KDM7A: variants seen among roughly 807,000 people sequenced by gnomAD.
The protein encoded by KDM7A is lysine-specific demethylase 7A.
Under a neutral mutation model 114.8 loss-of-function variants are expected in KDM7A, and 28 were observed. The observed-to-expected ratio is 0.24, with a 90% CI of 0.18 to 0.33. The LOEUF (loss-of-function observed/expected upper bound fraction) is 0.33, where lower values mean the gene tolerates loss of function less well. KDM7A is among the 10% of genes least tolerant of loss of function. KDM7A has a pLI of 1.00. For synonymous variants in KDM7A, 423 were observed against 397.8 expected (o/e 1.06, Z -0.75); for missense variants, 942 against 1,142.5 (o/e 0.82, Z 2.53).
At chr7:140,105,001 T>C (rs955320249) in intron 11 of KDM7A, among the ~76,000 whole-genome samples, 2 of 152,228 alleles carry the variant, frequency 1.3e-5, no homozygotes, top group Non-Finnish European at 2.9e-5. Flanking sequence ...GAAGAGGTCC[T>C]TCACATCGCT....
intron 11 of KDM7A, among the ~76,000 whole-genome samples, chr7:140,105,309 G>A (rs1314315946): frequency 6.6e-6 from 1 of 152,174 alleles, no homozygotes; most frequent in African/African-American, 2.4e-5. Context: ...GCCCTGGCCA[G>A]AACTTCCAAC....
At position 140,116,640 on chromosome 7, in the gene KDM7A, A is replaced by ATG. The variant is rs147192289; in HGVS notation, c.1246+2471_1246+2472dup. On this transcript the variant is annotated intron_variant, in intron 9 of 19. Transcript: ENST00000397560. The stretch of plus-strand genomic sequence containing the variant: ...CAGCCTTATTCTTTACACGGTATGA[A>ATG]TGTGTGTGTGTGTATGCAGTGCGTG... Among the ~76,000 whole-genome samples, 6 of 151,422 alleles carry ATG rather than the reference A, an allele frequency of 4.0e-5. No homozygotes were observed. In the South Asian group the frequency reaches 6.3e-4, roughly 16 times the overall value.
Position 140,159,403 on chromosome 7 carries a change from T to C in KDM7A, c.194+17341A>G, listed in dbSNP as rs574052499. Among the ~76,000 whole-genome samples, 655 of 144,178 alleles carry C rather than the reference T, an allele frequency of 4.5e-3. 8 individuals are homozygous for C. The highest frequency in any genetic ancestry group is 0.016 in the African/African-American group (596 of 37,346). 94.6% of individuals were successfully genotyped at this position (144,178 alleles called of 152,430 possible). On this transcript the variant is annotated intron_variant, in intron 1 of 19. Transcript: ENST00000397560. ...AAAGGATATATGCGTACAATTGGCA[T>C]GCTAACAAAAAAAAATGGTGAGGTA...
In KDM7A at chr7:140,111,088, C is replaced by T. The variant is rs1278735028; in HGVS notation, c.1428+7G>A. On this transcript the variant is annotated splice_region_variant and intron_variant, in intron 11 of 19. Transcript: ENST00000397560. Reference sequence around the variant, plus strand: ...TCAAGCATTTACATGACAGTTTCCACTCTTACCTCTATTGCTCGAATTACT... The same window carrying T: ...TCAAGCATTTACATGACAGTTTCCATTCTTACCTCTATTGCTCGAATTACT... 17 of 1,502,588 alleles carry T rather than the reference C, an allele frequency of 1.1e-5. No individual in the cohort carries two copies. The highest frequency in any genetic ancestry group is 1.7e-5 in the Admixed American group (1 of 59,120). The allele number at this position is 1,502,588 out of a possible 1,614,324, so 93.1% of individuals were successfully genotyped here. A position where few individuals can be genotyped will look rare whatever the true frequency, so the allele number is the denominator to read the frequency against.
At chr7:140,113,020 G>T (rs1446363139) in intron 10 of KDM7A, among the ~76,000 whole-genome samples, 1 of 152,200 alleles carries the variant, frequency 6.6e-6, no homozygotes, top group East Asian at 1.9e-4. Context: ...AGAGATCTAA[G>T]TTTTAAGTCC....
chr7:140,122,609 A>G (rs755105697), intron 7 of KDM7A, among the ~76,000 whole-genome samples: 1 of 152,226 alleles, frequency 6.6e-6, no homozygotes, highest in Non-Finnish European at 1.5e-5. Flanking sequence ...TGTGAACTTT[A>G]CAGTCATTAG....
intron 9 of KDM7A, among the ~76,000 whole-genome samples, chr7:140,118,780 T>C (rs977382563): frequency 2.0e-5 from 3 of 152,178 alleles, no homozygotes; most frequent in African/African-American, 4.8e-5. Context: ...TGACATAAAC[T>C]GCATTTTTGA....
At chr7:140,127,710 A>G (rs1489795928) in intron 4 of KDM7A, 127 bp from the exon 5 acceptor site, 4 of 824,728 alleles carry the variant, frequency 4.9e-6, no homozygotes, top group Non-Finnish European at 4.0e-6. Flanking sequence ...CTAGACAAAT[A>G]TTTTCCCTAT....
chr7:140,171,507 ATATATATTTATAAATATATATTTATT>A (rs1263687067), intron 1 of KDM7A, among the ~76,000 whole-genome samples: 4 of 139,542 alleles, frequency 2.9e-5, no homozygotes, highest in East Asian at 4.2e-4. Flanking sequence ...TACATATTTT[ATATATATTTATAAATATATATTTATT>A]TATATATTTA....
Position 140,100,023 on chromosome 7 carries a change from C to G in KDM7A, c.1639G>C (p.Asp547His), listed in dbSNP as rs1366808549. Residue 547 changes from aspartate (D) to histidine (H), a missense_variant and splice_region_variant, in exon 13 of 20, where the codon GAC (aspartate) becomes CAC (histidine). By Grantham distance (81) the Asp-to-His change is moderately conservative. This residue lies in a region of KDM7A where 512 missense variants were observed against 576.6 expected (regional missense o/e 0.89). Coordinates refer to ENST00000397560, the MANE Select transcript of KDM7A (RefSeq NM_030647.2). Reference protein sequence around the residue: ...KRLEMCPWEEDILSSKLNGKF... With the variant: ...KRLEMCPWEEHILSSKLNGKF... ...CCATTCAGTTTAGAGCTCAAGATGT[C>G]CTGAAGGTATAAATGCAGAACTTAC... The G allele has an allele frequency of 6.2e-7, 1 of 1,613,914 alleles. No homozygotes were observed. The highest frequency in any genetic ancestry group is 8.5e-7 in the Non-Finnish European group (1 of 1,179,958).
chr7:140,100,734 A>T (rs1443238108), intron 12 of KDM7A, among the ~76,000 whole-genome samples: 42 of 50,914 alleles, frequency 8.2e-4, no homozygotes, highest in African/African-American at 2.5e-3. Context: ...ATATATATAT[A>T]TATATATACA....
chr7:140,127,323 T>C lies in KDM7A; in HGVS notation c.701+119A>G, dbSNP rs1042044968. On this transcript the variant is annotated intron_variant, in intron 5 of 19. Coordinates refer to ENST00000397560, the MANE Select transcript of KDM7A (RefSeq NM_030647.2). ...GTGTCCCAATGCAAAATTTATAACA[T>C]TGCTACCACTGGACAACTTTAGAAG... is the stretch of plus-strand genomic sequence containing the variant. The C allele has an allele frequency of 3.2e-5, 27 of 843,310 alleles. 1 individual carries two copies. The South Asian group carries it at 4.0e-4, about 12-fold the overall frequency. The allele number at this position is 843,310 out of a possible 1,614,324, so 52.2% of individuals were successfully genotyped here. A position where few individuals can be genotyped will look rare whatever the true frequency, so the allele number is the denominator to read the frequency against.
intron 1 of KDM7A, among the ~76,000 whole-genome samples, chr7:140,145,066 A>C (rs1344293255): frequency 1.3e-5 from 2 of 152,210 alleles, no homozygotes; most frequent in Non-Finnish European, 2.9e-5. Context: ...ACTCAGCCTC[A>C]GGTATTTCTT....
At chr7:140,125,931 A>C (rs1175573509) in intron 6 of KDM7A, among the ~76,000 whole-genome samples, 2 of 83,612 alleles carry the variant, frequency 2.4e-5, no homozygotes, top group African/African-American at 9.3e-5. Context: ...TAGAGACAGG[A>C]TCTCGCTCTG....
chr7:140,109,261 G>A (rs1334411275), intron 11 of KDM7A, among the ~76,000 whole-genome samples: 1 of 152,160 alleles, frequency 6.6e-6, no homozygotes, highest in Non-Finnish European at 1.5e-5. Context: ...ACGCTCCGTG[G>A]GCTGCACCCA....
At chr7:140,157,275 T>A (rs1043672669) in intron 1 of KDM7A, among the ~76,000 whole-genome samples, 2 of 152,206 alleles carry the variant, frequency 1.3e-5, no homozygotes, top group Non-Finnish European at 2.9e-5. Flanking sequence ...GATTTTTTTG[T>A]CCCACCACTG....
In KDM7A at chr7:140,096,670, T is replaced by C. The variant is rs779447030; in HGVS notation, c.2259A>G (p.Gln753=). 10 of 1,614,166 alleles carry C rather than the reference T, an allele frequency of 6.2e-6. No individual in the cohort carries two copies. The highest frequency in any genetic ancestry group is 2.2e-5 in the South Asian group (2 of 91,074). Residue 753 remains glutamine, a synonymous_variant, in exon 17 of 20, where the codon CAA becomes CAG. Coordinates refer to ENST00000397560, the MANE Select transcript of KDM7A (RefSeq NM_030647.2). ...CACCACTGCAGTCTGTGCTTTGTAT[T>C]TGCCTTTGTAAACACGTGGAATAGT... is the stretch of plus-strand genomic sequence containing the variant. ...GLHYSTCLQR[Q]IQSTDCSGER...
At chr7:140,127,020 C>T (rs1452654964) in intron 5 of KDM7A, among the ~76,000 whole-genome samples, 197 bp from the exon 6 acceptor site, 2 of 152,172 alleles carry the variant, frequency 1.3e-5, no homozygotes, top group African/African-American at 4.8e-5. Flanking sequence ...AGTGCAGTGG[C>T]GCGATCCTGG....
At chr7:140,118,173 C>T (rs981732313) in intron 9 of KDM7A, among the ~76,000 whole-genome samples, 3 of 152,166 alleles carry the variant, frequency 2.0e-5, no homozygotes, top group South Asian at 2.1e-4. Flanking sequence ...GCACTATTTA[C>T]AAACTGACTA....
Sources: gnomAD v4.1 joint callset for allele counts (sites outside exome capture counted in the v4.1 genomes callset) on GRCh38, gnomAD v4.1.1 for gene constraint, gnomAD v4.1.1 regional missense constraint, MANE v1.5 for transcripts, NCBI Gene and HGNC (gene_info 2026-07-23, HGNC 2026-07-21) for gene names.